MET: variants seen among roughly 807,000 people sequenced by gnomAD.
MET encodes hepatocyte growth factor receptor.
MET carries 48 observed loss-of-function variants against 133.1 expected under a neutral mutation model. That is an observed-to-expected ratio of 0.36 (90% CI 0.29 to 0.46). The LOEUF (loss-of-function observed/expected upper bound fraction) is 0.46. Among genes scored for constraint, MET ranks in the 20% least tolerant of loss-of-function variants. The pLI is 1.00. For synonymous variants in MET, 628 were observed against 616.5 expected, an observed-to-expected ratio of 1.02 and a Z score of -0.28; for missense variants, 1,442 against 1,695.9, an observed-to-expected ratio of 0.85 and a Z score of 2.63.
Position 116,700,269 on chromosome 7 carries a change from G to A in MET, c.1185G>A (p.Glu395=), listed in dbSNP as rs1369230650. 2.5e-6 allele frequency: 4 copies of A among 1,603,014 alleles called. No individual in the cohort carries two copies. The highest frequency in any genetic ancestry group is 3.4e-6 in the Non-Finnish European group (4 of 1,178,346). The change falls in exon 2 of 21, where the codon GAG becomes GAA. Residue 395 remains glutamate (E), a synonymous_variant. Transcript: ENST00000397752. ...CLQHFYGPNH[E]HCFNRTLLRN... is the part of the protein sequence containing the mutation. ...AGCATTTTTACGGACCCAATCATGAGCACTGCTTTAATAGGGTAAGTCACA... is the reference window on the plus strand; with the variant it reads ...AGCATTTTTACGGACCCAATCATGAACACTGCTTTAATAGGGTAAGTCACA...
At chr7:116,771,342 G>A (rs1794823996) in intron 12 of MET, among the ~76,000 whole-genome samples, 156 bp from the exon 13 acceptor site, 1 of 152,182 alleles carries the variant, frequency 6.6e-6, no homozygotes, top group Non-Finnish European at 1.5e-5. Flanking sequence ...GAACACTGGA[G>A]CATAATTGAG....
At chr7:116,693,784 AT>A (rs1796860484) in intron 1 of MET, among the ~76,000 whole-genome samples, 1 of 152,222 alleles carries the variant, frequency 6.6e-6, no homozygotes, top group South Asian at 2.1e-4. Context: ...TCTGTACAGT[AT>A]CTGACACTTA....
intron 2 of MET, among the ~76,000 whole-genome samples, chr7:116,723,194 T>C (rs1302398779): frequency 6.9e-6 from 1 of 145,816 alleles, no homozygotes; most frequent in South Asian, 2.3e-4. Flanking sequence ...TTTATTCTTT[T>C]TTCTCTAAAC....
chr7:116,691,190 C>A (rs967526627), intron 1 of MET, among the ~76,000 whole-genome samples: 4 of 152,182 alleles, frequency 2.6e-5, no homozygotes, highest in Non-Finnish European at 5.9e-5. Flanking sequence ...TATATCTTAA[C>A]TCTTTACTTA....
At chr7:116,772,293 A>G (rs1371460318) in intron 14 of MET, among the ~76,000 whole-genome samples, 3 of 152,210 alleles carry the variant, frequency 2.0e-5, no homozygotes, top group African/African-American at 7.2e-5. Context: ...CTCTTTTACA[A>G]TCCAGGAAGA....
intron 19 of MET, among the ~76,000 whole-genome samples, chr7:116,792,434 C>T (rs1471639389): frequency 6.8e-6 from 1 of 147,868 alleles, no homozygotes; most frequent in African/African-American, 2.5e-5. Context: ...TCCCCTCACC[C>T]CCGACCCCCC....
chr7:116,749,465 A>G (rs1793831760), intron 5 of MET, among the ~76,000 whole-genome samples: 1 of 152,204 alleles, frequency 6.6e-6, no homozygotes, highest in African/African-American at 2.4e-5. Flanking sequence ...ATCTCAAAAT[A>G]ATAAGAGCTA....
chr7:116,777,502 CT>C, intron 16 of MET, 33 bp downstream of exon 16: 1 of 1,599,070 alleles, frequency 6.3e-7, no homozygotes, highest in Non-Finnish European at 8.6e-7. Context: ...ATGGAGTATA[CT>C]TTTGTGGTTT....
intron 5 of MET, among the ~76,000 whole-genome samples, chr7:116,754,965 AGG>A (rs1794100515): frequency 6.9e-6 from 1 of 144,040 alleles, no homozygotes; most frequent in Non-Finnish European, 1.5e-5. Flanking sequence ...AAGAAAGAGA[AGG>A]AAGGAAGCAG....
chr7:116,733,870 A>G (rs1472818144), intron 3 of MET, among the ~76,000 whole-genome samples: 3 of 152,214 alleles, frequency 2.0e-5, no homozygotes, highest in Non-Finnish European at 2.9e-5. Context: ...CCTGATAATA[A>G]TAGTACCTAC....
At chr7:116,756,976 C>T (rs1221502920) in intron 6 of MET, among the ~76,000 whole-genome samples, 2 of 152,144 alleles carry the variant, frequency 1.3e-5, no homozygotes, top group Non-Finnish European at 2.9e-5. Flanking sequence ...CGCCTGTGAT[C>T]CCAGCACTTT....
chr7:116,795,552 T>G, intron 19 of MET, 103 bp from the exon 20 acceptor site: 2 of 1,490,092 alleles, frequency 1.3e-6, no homozygotes, highest in Non-Finnish European at 1.9e-6. Flanking sequence ...GAAACCGTAT[T>G]GAGTATGTAA....
At position 116,700,254 on chromosome 7, in the gene MET, C is replaced by T. The variant is rs45552236; in HGVS notation, c.1170C>T (p.Tyr390=). Reference sequence around the variant, plus strand: ...ATGTGAGATGTCTCCAGCATTTTTACGGACCCAATCATGAGCACTGCTTTA... The same window carrying T: ...ATGTGAGATGTCTCCAGCATTTTTATGGACCCAATCATGAGCACTGCTTTA... The part of the protein sequence containing the change: ...KNNVRCLQHF[Y]GPNHEHCFNR... Residue 390 remains tyrosine, a synonymous_variant, in exon 2 of 21, where the codon TAC becomes TAT. Transcript: ENST00000397752. The T allele has an allele frequency of 1.1e-5, 17 of 1,602,830 alleles. No homozygotes were observed. Among genetic ancestry groups the T allele is most frequent in the South Asian group, 9.0e-5 (8 of 88,500 alleles).
chr7:116,673,510 A>T (rs1026207273), intron 1 of MET, among the ~76,000 whole-genome samples: 2 of 152,218 alleles, frequency 1.3e-5, no homozygotes, highest in African/African-American at 4.8e-5. Context: ...AATATAGACT[A>T]TCTGGACCCT....
Position 116,787,407 on chromosome 7 carries a change from A to G in MET, c.3798+3938A>G, listed in dbSNP as rs867395176. 2.0e-5 allele frequency among the ~76,000 whole-genome samples: 3 copies of G among 152,232 alleles called. No homozygotes were observed. The South Asian group carries it at 6.2e-4, about 31-fold the overall frequency. ...AATACCACAAATTGGGGGATTTATA[A>G]TGAACAGAAATGTATTTGGCCCACA... On this transcript the variant is annotated intron_variant, in intron 19 of 20. Coordinates refer to ENST00000397752, the MANE Select transcript of MET (RefSeq NM_000245.4).
intron 1 of MET, 61 bp downstream of exon 1, chr7:116,672,638 C>G: frequency 2.7e-6 from 1 of 373,734 alleles, no homozygotes; most frequent in Non-Finnish European, 4.8e-6. Flanking sequence ...GTTCTGCTTT[C>G]TTTGTTCCCC....
chr7:116,721,744 C>G (rs552595360), intron 2 of MET, among the ~76,000 whole-genome samples: 1 of 152,038 alleles, frequency 6.6e-6, no homozygotes, highest in East Asian at 1.9e-4. Flanking sequence ...CGTTATGTAT[C>G]CAGTAGTCAT....
intron 3 of MET, among the ~76,000 whole-genome samples, chr7:116,733,678 T>TA (rs887333144): frequency 7.2e-5 from 11 of 151,892 alleles, no homozygotes; most frequent in Admixed American, 2.6e-4. Context: ...AAACAAAAGG[T>TA]AAAAAAAATG....
At chr7:116,736,131 T>C (rs1562906342) in intron 3 of MET, among the ~76,000 whole-genome samples, 1 of 152,142 alleles carries the variant, frequency 6.6e-6, no homozygotes, top group Non-Finnish European at 1.5e-5. Context: ...GAAATTTCTT[T>C]TGTGTAAGAA....
Sources: gnomAD v4.1 joint callset for allele counts (sites outside exome capture counted in the v4.1 genomes callset) on GRCh38, gnomAD v4.1.1 for gene constraint, MANE v1.5 for transcripts, NCBI Gene and HGNC (gene_info 2026-07-23, HGNC 2026-07-21) for gene names.